Variants in NEK6 observed in about 807,000 individuals in gnomAD.
NEK6 encodes serine/threonine-protein kinase Nek6.
In NEK6, 27 loss-of-function variants were observed where a neutral mutation model predicts 43.5. The ratio of observed to expected loss-of-function variants is 0.62; its 90% confidence interval spans 0.46 to 0.86. NEK6 has a LOEUF of 0.86. NEK6 is among the 40% of genes least tolerant of loss of function. The probability of loss-of-function intolerance (pLI) is 0.00; values close to 1 mark genes in which losing one functional copy is unlikely to be tolerated. For missense variants in NEK6, 318 were observed against 414.4 expected (o/e 0.77, Z 2.02); for synonymous variants, 167 against 164.1 (o/e 1.02, Z -0.14).
chr9:124,326,422 C>T lies in NEK6; in HGVS notation c.498C>T (p.Arg166=), dbSNP rs1197642758. 3.7e-6 allele frequency: 6 copies of T among 1,608,500 alleles called. No individual in the cohort carries two copies. Among genetic ancestry groups the T allele is most frequent in the Non-Finnish European group, 3.4e-6 (4 of 1,179,548 alleles). Residue 166 remains arginine, a synonymous_variant, in exon 6 of 10, where the codon CGC becomes CGT. Coordinates refer to ENST00000320246, the MANE Select transcript of NEK6 (RefSeq NM_014397.6). This position sits in a 1 kb window ranked among gnomAD's most constrained non-coding sequence, Gnocchi z 4.5. ...LCSAVEHMHS[R]RVMHRDIKPA... ...GCGCCGTGGAGCACATGCATTCACG[C>T]CGGGTGATGCACCGAGGTACGTGCC...
intron 1 of NEK6, among the ~76,000 whole-genome samples, chr9:124,286,772 C>G (rs1832183286): frequency 6.6e-6 from 1 of 152,228 alleles, no homozygotes. Context: ...GGCGCCCCAG[C>G]CATGAGCTCC....
chr9:124,293,455 T>A (rs2119069308), intron 1 of NEK6, among the ~76,000 whole-genome samples: 1 of 152,342 alleles, frequency 6.6e-6, no homozygotes, highest in Non-Finnish European at 1.5e-5. Context: ...GTTGCTCCTT[T>A]AACTGAGAGA....
chr9:124,291,759 C>G, intron 1 of NEK6: 8 of 942,414 alleles, frequency 8.5e-6, no homozygotes, highest in Non-Finnish European at 8.9e-6. Flanking sequence ...TGAGCCTACA[C>G]TGGTCTAATC....
intron 2 of NEK6, among the ~76,000 whole-genome samples, chr9:124,306,128 C>T (rs113726656): frequency 0.018 from 2,689 of 152,080 alleles, 72 homozygotes; most frequent in African/African-American, 0.062. Context: ...GCACTGGGGG[C>T]TGGACATGGG....
chr9:124,312,314 TCCTTGAGGGGACCCAGGGGAC>T (rs984204171), intron 2 of NEK6, among the ~76,000 whole-genome samples, 174 bp from the exon 3 acceptor site: 3 of 151,912 alleles, frequency 2.0e-5, no homozygotes, highest in African/African-American at 7.3e-5. Flanking sequence ...GCACTGGGGG[TCCTTGAGGGGACCCAGGGGAC>T]CCTGTGCAGA....
At chr9:124,292,362 G>C (rs929179687) in intron 1 of NEK6, 20 of 1,503,468 alleles carry the variant, frequency 1.3e-5, no homozygotes, top group Non-Finnish European at 1.8e-5. Flanking sequence ...CCCTGGGCTT[G>C]GCCAGAACTT....
chr9:124,306,857 C>T (rs1833278871), intron 2 of NEK6, among the ~76,000 whole-genome samples: 1 of 152,154 alleles, frequency 6.6e-6, no homozygotes, highest in African/African-American at 2.4e-5. Context: ...TTAGAGTTTC[C>T]CTACCCACAG....
At chr9:124,265,098 G>A (rs1230979897) in intron 1 of NEK6, among the ~76,000 whole-genome samples, 1 of 152,220 alleles carries the variant, frequency 6.6e-6, no homozygotes, top group Non-Finnish European at 1.5e-5. Flanking sequence ...TAAGGGACAT[G>A]GGTTTTTATT....
intron 1 of NEK6, among the ~76,000 whole-genome samples, chr9:124,294,322 C>A (rs962347360): frequency 6.6e-6 from 1 of 152,262 alleles, no homozygotes; most frequent in East Asian, 1.9e-4. Context: ...GGTAGTCCTT[C>A]CAGCCCCTGG....
intron 2 of NEK6, among the ~76,000 whole-genome samples, chr9:124,311,607 C>T (rs1412875031): frequency 6.6e-6 from 1 of 152,178 alleles, no homozygotes. Flanking sequence ...AATGCTGGCC[C>T]CTGCAGAGTC....
rs181443469 is a variant in NEK6, at chr9:124,317,449, G to C, written c.294+3464G>C. ...GCTGGTCTTGAACGCCTGACCTCAGGTGATCCACCCGCCTCGGCCTCCCAA... is the reference window on the plus strand; with the variant it reads ...GCTGGTCTTGAACGCCTGACCTCAGCTGATCCACCCGCCTCGGCCTCCCAA... On this transcript the variant is annotated intron_variant, in intron 4 of 9. Transcript: ENST00000320246. 3.3e-5 allele frequency among the ~76,000 whole-genome samples: 5 copies of C among 152,312 alleles called. No individual in the cohort carries two copies. In the East Asian group the frequency reaches 9.6e-4, roughly 29 times the overall value.
At chr9:124,321,810 C>T (rs1291732505) in intron 5 of NEK6, among the ~76,000 whole-genome samples, 3 of 152,240 alleles carry the variant, frequency 2.0e-5, no homozygotes, top group African/African-American at 4.8e-5. Flanking sequence ...CTCAGGGAAG[C>T]TCAGCTCAAA....
At position 124,304,210 on chromosome 9, in the gene NEK6, C is replaced by T. The variant is rs1279183843; in HGVS notation, c.90+2156C>T. ...GGACTTTCTCCTCGGCTCCTGAAGC[C>T]TTGGGGATTTAAACACTGTCTGGGG... On this transcript the variant is annotated intron_variant, in intron 2 of 9. Coordinates refer to ENST00000320246, the MANE Select transcript of NEK6 (RefSeq NM_014397.6). 4.6e-5 allele frequency among the ~76,000 whole-genome samples: 7 copies of T among 152,348 alleles called. No individual in the cohort carries two copies. The East Asian group carries it at 1.3e-3, about 29-fold the overall frequency.
intron 1 of NEK6, among the ~76,000 whole-genome samples, chr9:124,270,712 A>G (rs1831405405): frequency 6.6e-6 from 1 of 152,192 alleles, no homozygotes; most frequent in African/African-American, 2.4e-5. Flanking sequence ...GCTGCAGGTA[A>G]CGGGTGGCAG....
Position 124,312,524 on chromosome 9 carries a change from CTG to C in NEK6, c.108_109del (p.Ser37PhefsTer43), listed in dbSNP as rs1833587781. 6.2e-7 allele frequency: 1 copy of C among 1,613,882 alleles called. No homozygotes were observed. The highest frequency in any genetic ancestry group is 8.5e-7 in the Non-Finnish European group (1 of 1,179,936). ...CCCGTTCCAGAGGCATCCCAACACG[CTG>C]TCTTTTCGCTGCTCGCTGGCGGACT... ...PPDPQRHPNT[L>X]SFRCSLADFQ... On this transcript the variant is annotated frameshift_variant, in exon 3 of 10. Coordinates refer to ENST00000320246, the MANE Select transcript of NEK6 (RefSeq NM_014397.6). LOFTEE classifies it high-confidence loss of function.
intron 9 of NEK6, among the ~76,000 whole-genome samples, chr9:124,350,010 G>C (rs568867963): frequency 1.3e-5 from 2 of 152,194 alleles, no homozygotes; most frequent in African/African-American, 4.8e-5. Flanking sequence ...AGTAGCCCCC[G>C]GGCCTCCAGA....
intron 1 of NEK6, chr9:124,261,254 C>CT (rs1434981672): frequency 3.2e-6 from 1 of 317,028 alleles, no homozygotes; most frequent in African/African-American, 2.3e-5. Context: ...AGGGCCAGAG[C>CT]TACTGGAGAG....
chr9:124,319,073 C>T (rs1289797750), intron 4 of NEK6, among the ~76,000 whole-genome samples: 1 of 152,200 alleles, frequency 6.6e-6, no homozygotes. Context: ...CAACCTCCGC[C>T]TCCCAGGTTC....
intron 9 of NEK6, among the ~76,000 whole-genome samples, chr9:124,350,636 G>A (rs971764307): frequency 6.6e-6 from 1 of 152,092 alleles, no homozygotes; most frequent in Non-Finnish European, 1.5e-5. Context: ...GCCTGGGAGG[G>A]GTACTGGCTA....
Sources: allele counts gnomAD v4.1 joint callset (sites outside exome capture counted in the v4.1 genomes callset), GRCh38; gene constraint gnomAD v4.1.1; non-coding constraint Gnocchi (gnomAD v3.1); transcripts MANE v1.5; gene names NCBI Gene and HGNC (gene_info 2026-07-23, HGNC 2026-07-21).